Variants in WDR70 observed in about 807,000 individuals in gnomAD.
WDR70 encodes the protein WD repeat domain 70.
A neutral mutation model predicts 88.6 loss-of-function variants in WDR70; 53 were observed. The ratio of observed to expected loss-of-function variants is 0.60; its 90% confidence interval spans 0.48 to 0.75. The LOEUF is 0.75. Ranked by LOEUF, WDR70 falls within the 30% of genes least tolerant of loss-of-function variation. WDR70 has a pLI of 0.00. For synonymous variants in WDR70, 280 were observed against 270.0 expected, an observed-to-expected ratio of 1.04 and a Z score of -0.36; for missense variants, 610 against 823.2, an observed-to-expected ratio of 0.74 and a Z score of 3.17.
At chr5:37,397,141 C>T (rs984880923) in intron 5 of WDR70, among the ~76,000 whole-genome samples, 7 of 23,042 alleles carry the variant, frequency 3.0e-4, no homozygotes, top group East Asian at 8.9e-3. Context: ...TGTCTCAAAC[C>T]GCCCCCCCCA....
At chr5:37,746,699 C>T (rs993265038) in intron 17 of WDR70, among the ~76,000 whole-genome samples, 1 of 152,164 alleles carries the variant, frequency 6.6e-6, no homozygotes, top group East Asian at 1.9e-4. Flanking sequence ...GACACATACA[C>T]CCTCCCAAGA....
chr5:37,495,113 C>T (rs1740175545), intron 8 of WDR70, among the ~76,000 whole-genome samples: 1 of 152,202 alleles, frequency 6.6e-6, no homozygotes, highest in African/African-American at 2.4e-5. Context: ...GTGCAGATTC[C>T]TGAATTTAAG....
At chr5:37,438,130 T>G (rs1750534841) in intron 6 of WDR70, 149 bp downstream of exon 6, 4 of 537,216 alleles carry the variant, frequency 7.4e-6, no homozygotes. Flanking sequence ...AGATTACTTT[T>G]ATGTTCAGTC....
intron 3 of WDR70, among the ~76,000 whole-genome samples, chr5:37,383,549 A>G (rs925506236): frequency 4.6e-5 from 7 of 151,208 alleles, no homozygotes; most frequent in Admixed American, 3.3e-4. Flanking sequence ...GGTGTGAACC[A>G]CTGTGCCAGG....
chr5:37,630,946 G>C (rs1389503582), intron 10 of WDR70, among the ~76,000 whole-genome samples: 1 of 152,148 alleles, frequency 6.6e-6, no homozygotes, highest in Non-Finnish European at 1.5e-5. Context: ...AGCTTGTAAG[G>C]ACCATGGGAT....
At chr5:37,396,298 C>A in intron 4 of WDR70, 77 bp from the exon 5 acceptor site, 5 of 1,434,758 alleles carry the variant, frequency 3.5e-6, no homozygotes, top group Middle Eastern at 2.0e-4. Flanking sequence ...GAAAAGTATC[C>A]TGAGAAATGA....
chr5:37,544,183 A>G (rs1741917050), intron 9 of WDR70, among the ~76,000 whole-genome samples: 1 of 152,216 alleles, frequency 6.6e-6, no homozygotes, highest in Admixed American at 6.5e-5. Flanking sequence ...ATTGGATTAT[A>G]CATAACAGGA....
chr5:37,434,333 C>T (rs767131581), intron 5 of WDR70, among the ~76,000 whole-genome samples: 1 of 151,974 alleles, frequency 6.6e-6, no homozygotes, highest in African/African-American at 2.4e-5. Context: ...GGGTCACAGC[C>T]GAACCATATC....
chr5:37,612,219 A>G (rs1188679977), intron 10 of WDR70, among the ~76,000 whole-genome samples: 1 of 152,148 alleles, frequency 6.6e-6, no homozygotes, highest in African/African-American at 2.4e-5. Flanking sequence ...TGTGAAATAT[A>G]AAGAGCAATG....
intron 10 of WDR70, among the ~76,000 whole-genome samples, chr5:37,679,745 A>G (rs1050924267): frequency 6.6e-6 from 1 of 152,168 alleles, no homozygotes; most frequent in East Asian, 1.9e-4. Context: ...TGCTGGGAGA[A>G]CCACTGGTCT....
chr5:37,735,696 C>T (rs369205429), intron 17 of WDR70, among the ~76,000 whole-genome samples: 1 of 152,072 alleles, frequency 6.6e-6, no homozygotes, highest in East Asian at 1.9e-4. Context: ...TGCCAAGTAG[C>T]AAAGTATTTG....
At chr5:37,559,567 G>A (rs1305690183) in intron 9 of WDR70, among the ~76,000 whole-genome samples, 1 of 152,090 alleles carries the variant, frequency 6.6e-6, no homozygotes, top group African/African-American at 2.4e-5. Context: ...TTTTGAGGCC[G>A]GGCGCAGTGG....
chr5:37,506,010 G>T lies in WDR70; in HGVS notation c.841-10504G>T. ...TTTCAGGGATGCTCCTTCTGCATTA[G>T]AACAGAGCATCTTGACTCCCTGGAG... On this transcript the variant is annotated intron_variant, in intron 8 of 17. Transcript: ENST00000265107. 15 of 1,577,908 alleles carry T rather than the reference G, an allele frequency of 9.5e-6. No individual in the cohort carries two copies. In the South Asian group the frequency reaches 1.7e-4, roughly 17 times the overall value.
rs529520218 is a variant in WDR70 at position 37,553,109 on chromosome 5, G to A, written c.917+36519G>A. Among the ~76,000 whole-genome samples the A allele has an allele frequency of 2.6e-5, 4 of 152,282 alleles. No individual in the cohort carries two copies. In the East Asian group the frequency reaches 5.8e-4, roughly 22 times the overall value. On this transcript the variant is annotated intron_variant, in intron 9 of 17. Transcript: ENST00000265107. ...TTACTTCAAAATAACCTCAGCCCCT[G>A]CTTTAATAAAAAGGACTTTAAGCCA...
chr5:37,488,470 T>C (rs987559589), intron 8 of WDR70, among the ~76,000 whole-genome samples: 2 of 150,526 alleles, frequency 1.3e-5, no homozygotes, highest in East Asian at 2.0e-4. Flanking sequence ...CCATACATTA[T>C]GTAGGCTTTC....
chr5:37,723,163 GCCTGTTCGAGT>G, intron 15 of WDR70: 1 of 557,952 alleles, frequency 1.8e-6, no homozygotes, highest in East Asian at 2.9e-5. Flanking sequence ...AAAGGGAAAA[GCCTGTTCGAGT>G]CCAATACATT....
intron 13 of WDR70, among the ~76,000 whole-genome samples, chr5:37,708,780 G>C (rs1162491712): frequency 6.6e-6 from 1 of 152,150 alleles, no homozygotes; most frequent in African/African-American, 2.4e-5. Flanking sequence ...TATTCCACAA[G>C]TCCTCAGAAA....
intron 10 of WDR70, among the ~76,000 whole-genome samples, chr5:37,644,435 T>C (rs1745182010): frequency 6.6e-6 from 1 of 151,982 alleles, no homozygotes; most frequent in Non-Finnish European, 1.5e-5. Context: ...TATTGGCCCA[T>C]CATTTTCTTC....
intron 9 of WDR70, among the ~76,000 whole-genome samples, chr5:37,599,996 A>G (rs542130197): frequency 5.9e-5 from 9 of 152,178 alleles, no homozygotes; most frequent in Admixed American, 3.3e-4. Flanking sequence ...CCTAAAGAAA[A>G]CATAGGAGAA....
Sources: allele counts gnomAD v4.1 joint callset (sites outside exome capture counted in the v4.1 genomes callset), GRCh38; gene constraint gnomAD v4.1.1; transcripts MANE v1.5; gene names NCBI Gene and HGNC (gene_info 2026-07-23, HGNC 2026-07-21).